CEP152: variants seen among roughly 807,000 people sequenced by gnomAD.
The protein encoded by CEP152 is centrosomal protein 152.
CEP152 carries 132 observed loss-of-function variants against 188.9 expected under a neutral mutation model. The observed-to-expected ratio is 0.70, with a 90% CI of 0.61 to 0.81. CEP152 has a LOEUF of 0.81. CEP152 is among the 30% of genes least tolerant of loss of function. CEP152 has a pLI of 0.00. For missense variants in CEP152, 1,914 were observed against 1,969.8 expected (o/e 0.97, Z 0.54); for synonymous variants, 649 against 666.6 (o/e 0.97, Z 0.41).
chr15:48,801,114 A>C lies in CEP152; in HGVS notation c.88-3063T>G, dbSNP rs149181963. Among the ~76,000 whole-genome samples, 516 of 152,350 alleles carry C rather than the reference A, an allele frequency of 3.4e-3. 3 individuals are homozygous for C. Among genetic ancestry groups the C allele is most frequent in the African/African-American group, 0.012 (488 of 41,578 alleles). On this transcript the variant is annotated intron_variant, in intron 2 of 26. Coordinates refer to ENST00000380950, the MANE Select transcript of CEP152 (RefSeq NM_001194998.2). ...TCCCAAGAGAAAGGGTAGCAAATGG[A>C]ATACCTAACGGTCATATTCCCTTTG... is the stretch of plus-strand genomic sequence containing the variant.
intron 26 of CEP152, 105 bp from the exon 27 acceptor site, chr15:48,739,393 A>G (rs1892805612): frequency 7.1e-6 from 10 of 1,413,348 alleles, no homozygotes; most frequent in Non-Finnish European, 9.2e-6. Context: ...GAAAAAATTT[A>G]TGTTTTTATA....
chr15:48,788,497 CTAAT>C (rs1329295388), intron 9 of CEP152, among the ~76,000 whole-genome samples: 2 of 150,604 alleles, frequency 1.3e-5, no homozygotes, highest in African/African-American at 4.9e-5. Flanking sequence ...CTGCGCCCGG[CTAAT>C]TTTTTTTTTT....
chr15:48,810,457 C>T (rs566507060), intron 1 of CEP152: 1 of 152,374 alleles, frequency 6.6e-6, no homozygotes, highest in African/African-American at 2.4e-5. Flanking sequence ...ATTCAAGTTG[C>T]CCAGAGGGCG....
At chr15:48,757,661 G>A (rs1208721529) in intron 19 of CEP152, among the ~76,000 whole-genome samples, 1 of 152,138 alleles carries the variant, frequency 6.6e-6, no homozygotes, top group African/African-American at 2.4e-5. Context: ...AGACAATGGT[G>A]GTTACCATTG....
At chr15:48,807,083 T>C (rs1265213420) in intron 1 of CEP152, among the ~76,000 whole-genome samples, 2 of 152,228 alleles carry the variant, frequency 1.3e-5, no homozygotes, top group South Asian at 2.1e-4. Flanking sequence ...ACCCAACCCG[T>C]CCCTTTAAAC....
At chr15:48,788,294 G>A (rs1180617191) in intron 9 of CEP152, among the ~76,000 whole-genome samples, 1 of 150,564 alleles carries the variant, frequency 6.6e-6, no homozygotes, top group East Asian at 1.9e-4. Flanking sequence ...ATACCTTTAG[G>A]ATGTATTCTC....
downstream of CEP152, among the ~76,000 whole-genome samples, chr15:48,736,090 G>C (rs993562961): frequency 6.6e-6 from 1 of 151,998 alleles, no homozygotes; most frequent in African/African-American, 2.4e-5. Flanking sequence ...ACTGACTAAA[G>C]AAAAAATGGA....
chr15:48,790,864 G>A (rs572831595), intron 8 of CEP152, among the ~76,000 whole-genome samples: 254 of 152,168 alleles, frequency 1.7e-3, no homozygotes, highest in African/African-American at 5.9e-3. Context: ...CACTGCATCC[G>A]GCCATCACTT....
chr15:48,797,162 T>G, intron 5 of CEP152, 139 bp downstream of exon 5: 1 of 907,748 alleles, frequency 1.1e-6, no homozygotes, highest in Non-Finnish European at 1.8e-6. Context: ...ACCATGAACC[T>G]GAATAAGTGC....
Position 48,797,566 on chromosome 15 carries a change from A to G in CEP152, c.275T>C (p.Ile92Thr). The G allele has an allele frequency of 1.2e-6, 2 of 1,614,078 alleles. No individual in the cohort carries two copies. Among genetic ancestry groups the G allele is most frequent in the Non-Finnish European group, 1.7e-6 (2 of 1,180,016 alleles). Residue 92 changes from isoleucine to threonine, a missense_variant, in exon 5 of 27, where the codon ATT becomes ACT. Transcript: ENST00000380950. The part of the protein sequence containing the change: ...KSQSVNGYNE[I>T]QSLYAGEKCG... ...TTTTTCTCCAGCATATAAACTCTGA[A>G]TTTCATTATAGCCCTATTAGATAAC...
chr15:48,809,488 GT>G (rs1051354900), intron 1 of CEP152, among the ~76,000 whole-genome samples: 1 of 152,112 alleles, frequency 6.6e-6, no homozygotes, highest in Non-Finnish European at 1.5e-5. Flanking sequence ...GTTTAGAGAA[GT>G]TTTACAGAAA....
chr15:48,760,017 G>C (rs1464884096), intron 19 of CEP152, 118 bp downstream of exon 19: 1 of 1,321,110 alleles, frequency 7.6e-7, no homozygotes, highest in East Asian at 2.3e-5. Flanking sequence ...TGCTTAACAT[G>C]TATCAACATG....
In CEP152 at chr15:48,772,572, T is replaced by C. The variant is rs1432101183; in HGVS notation, c.1697A>G (p.Gln566Arg). 6.8e-6 allele frequency: 11 copies of C among 1,614,136 alleles called. No homozygotes were observed. Among genetic ancestry groups the C allele is most frequent in the Admixed American group, 3.3e-5 (2 of 60,028 alleles). The part of the protein sequence containing the change: ...SNSMKRHLVS[Q>R]LQNDLKDCHK... ...ACAGTCTTTGAGGTCATTTTGTAACTGAGACACCAGATGACGCTTCATTGA... is the reference window on the plus strand; with the variant it reads ...ACAGTCTTTGAGGTCATTTTGTAACCGAGACACCAGATGACGCTTCATTGA... The change falls in exon 13 of 27, where the codon CAG (glutamine) becomes CGG (arginine). Residue 566 changes from glutamine to arginine, a missense_variant. Coordinates refer to ENST00000380950, the MANE Select transcript of CEP152 (RefSeq NM_001194998.2).
Position 48,738,732 on chromosome 15 carries a change from C to T in CEP152, c.4650G>A (p.Glu1550=), listed in dbSNP as rs1365573042. The T allele has an allele frequency of 2.5e-6, 4 of 1,614,190 alleles. No homozygotes were observed. Among genetic ancestry groups the T allele is most frequent in the Non-Finnish European group, 3.4e-6 (4 of 1,180,036 alleles). Residue 1550 remains glutamate, a synonymous_variant, in exon 27 of 27, where the codon GAG becomes GAA. Coordinates refer to ENST00000380950, the MANE Select transcript of CEP152 (RefSeq NM_001194998.2). ...CCTGAACATCCAAACCTTGACTTTT[C>T]TCAGATGCAGCATTTTCACTTTCCA... ...PLMESENAAS[E]KSQGLDVQEP...
At chr15:48,741,518 TC>T in intron 26 of CEP152, 82 bp downstream of exon 26, 1 of 1,610,100 alleles carries the variant, frequency 6.2e-7, no homozygotes, top group Non-Finnish European at 8.5e-7. Flanking sequence ...CTCCTTACCT[TC>T]CCTGCCTTCT....
chr15:48,736,990 T>C (rs1345889771), downstream of CEP152, among the ~76,000 whole-genome samples: 1 of 152,220 alleles, frequency 6.6e-6, no homozygotes, highest in Non-Finnish European at 1.5e-5. Context: ...TCTTCAGGAA[T>C]ACAAGTGAGA....
chr15:48,798,929 C>G (rs1005631316), intron 2 of CEP152, among the ~76,000 whole-genome samples: 7 of 151,964 alleles, frequency 4.6e-5, no homozygotes, highest in Admixed American at 4.6e-4. Flanking sequence ...AATAATATTA[C>G]CCTAAAAATC....
chr15:48,782,107 C>T (rs1394444954), intron 11 of CEP152, 32 bp downstream of exon 11: 1 of 1,576,302 alleles, frequency 6.3e-7, no homozygotes, highest in African/African-American at 1.3e-5. Flanking sequence ...ATTCAGATAC[C>T]CATAGAGCCT....
chr15:48,756,457 T>A lies in CEP152; in HGVS notation c.2791A>T (p.Ile931Phe). The change falls in exon 20 of 27, where the codon ATT becomes TTT. Residue 931 changes from isoleucine to phenylalanine, a missense_variant. Physicochemically the swap from Ile to Phe is conservative, Grantham distance 21. Coordinates refer to ENST00000380950, the MANE Select transcript of CEP152 (RefSeq NM_001194998.2). ...ILPGKELEEK[I>F]HSLQKELELK... ...TCAAGTTCCTTCTGAAGAGAATGAA[T>A]CTTCTCTTCCAATTCCTTTCCAGGA... 5 of 1,613,654 alleles carry A rather than the reference T, an allele frequency of 3.1e-6. No homozygotes were observed. Among genetic ancestry groups the A allele is most frequent in the Non-Finnish European group, 4.2e-6 (5 of 1,179,800 alleles).
Sources: gnomAD v4.1 joint callset for allele counts (sites outside exome capture counted in the v4.1 genomes callset) on GRCh38, gnomAD v4.1.1 for gene constraint, MANE v1.5 for transcripts, NCBI Gene and HGNC (gene_info 2026-07-23, HGNC 2026-07-21) for gene names.